The following PARD3 variants were observed in gnomAD, a reference collection of about 807,000 sequenced individuals.
PARD3 encodes the protein par-3 family cell polarity regulator, also known as partitioning defective 3 homolog.
Under a neutral mutation model 155.4 loss-of-function variants are expected in PARD3, and 75 were observed. The observed-to-expected ratio is 0.48, with a 90% CI of 0.40 to 0.58. The LOEUF (loss-of-function observed/expected upper bound fraction) is 0.58, where lower values mean the gene tolerates loss of function less well. PARD3 is among the 20% of genes least tolerant of loss of function. The pLI, the probability that PARD3 is intolerant of heterozygous loss-of-function variation, is 0.00. For missense variants in PARD3, 1,642 were observed against 1,721.7 expected (o/e 0.95, Z 0.82); for synonymous variants, 576 against 610.5 (o/e 0.94, Z 0.83).
intron 3 of PARD3, among the ~76,000 whole-genome samples, chr10:34,488,099 G>A (rs1486342843): frequency 1.3e-5 from 2 of 152,148 alleles, no homozygotes; most frequent in Non-Finnish European, 2.9e-5. Context: ...TCATTTGCCA[G>A]TTTTCTGTCA....
At chr10:34,305,084 G>C (rs1045298809) in intron 20 of PARD3, among the ~76,000 whole-genome samples, 3 of 152,174 alleles carry the variant, frequency 2.0e-5, no homozygotes, top group Admixed American at 6.5e-5. Flanking sequence ...CTTTGTATGA[G>C]CAGAGACTGT....
chr10:34,379,644 T>C (rs1310290455), intron 9 of PARD3, among the ~76,000 whole-genome samples: 1 of 152,118 alleles, frequency 6.6e-6, no homozygotes, highest in African/African-American at 2.4e-5. Context: ...CCCCTAAATC[T>C]GTAAGCTAAA....
At chr10:34,535,753 G>C (rs1351156438) in intron 2 of PARD3, among the ~76,000 whole-genome samples, 1 of 151,988 alleles carries the variant, frequency 6.6e-6, no homozygotes, top group African/African-American at 2.4e-5. Context: ...TGGGATTACA[G>C]GCGTGAGCCA....
At chr10:34,686,259 C>G (rs1175463766) in intron 2 of PARD3, among the ~76,000 whole-genome samples, 1 of 152,114 alleles carries the variant, frequency 6.6e-6, no homozygotes, top group Non-Finnish European at 1.5e-5. Flanking sequence ...TAACTTACAA[C>G]CTCGGTCCTT....
chr10:34,482,091 G>A (rs1445221671), intron 3 of PARD3, among the ~76,000 whole-genome samples: 1 of 132,228 alleles, frequency 7.6e-6, no homozygotes, highest in Non-Finnish European at 1.5e-5. Context: ...GTGGACTGCA[G>A]TGGCACCATC....
chr10:34,485,986 C>T (rs773980), intron 3 of PARD3, among the ~76,000 whole-genome samples: 54,467 of 144,936 alleles, frequency 0.38, 10,231 homozygotes, highest in East Asian at 0.43. Flanking sequence ...AGCAGTGTCA[C>T]GATCGTAGAT....
chr10:34,308,144 G>A (rs551462244), intron 20 of PARD3, among the ~76,000 whole-genome samples: 1 of 150,296 alleles, frequency 6.7e-6, no homozygotes, highest in African/African-American at 2.5e-5. Context: ...AGGAAAGAGC[G>A]GTAGGGACAA....
At chr10:34,156,743 G>T (rs566279430) in intron 22 of PARD3, among the ~76,000 whole-genome samples, 1 of 152,248 alleles carries the variant, frequency 6.6e-6, no homozygotes, top group East Asian at 1.9e-4. Flanking sequence ...GCTCGCCCAG[G>T]CCCCTGCAGC....
chr10:34,284,869 A>T (rs1463707987), intron 20 of PARD3, among the ~76,000 whole-genome samples: 1 of 152,208 alleles, frequency 6.6e-6, no homozygotes, highest in African/African-American at 2.4e-5. Context: ...GGCATCTATG[A>T]CTTATAAATC....
chr10:34,755,760 T>C (rs1009139908), intron 1 of PARD3, among the ~76,000 whole-genome samples: 5 of 105,492 alleles, frequency 4.7e-5, no homozygotes, highest in African/African-American at 1.7e-4. Flanking sequence ...CCTAAGCATA[T>C]ATAACATGCT....
chr10:34,708,168 T>C (rs552830118), intron 1 of PARD3, among the ~76,000 whole-genome samples: 6 of 151,582 alleles, frequency 4.0e-5, no homozygotes, highest in Non-Finnish European at 7.4e-5. Flanking sequence ...AGAACCAAGG[T>C]AAACAATACC....
At position 34,253,382 on chromosome 10, in the gene PARD3, C is replaced by T. The variant is rs529679362; in HGVS notation, c.3419+16275G>A. Among the ~76,000 whole-genome samples, 27 of 152,292 alleles carry T rather than the reference C, an allele frequency of 1.8e-4. No homozygotes were observed. In the South Asian group the frequency reaches 3.9e-3, roughly 22 times the overall value. On this transcript the variant is annotated intron_variant, in intron 22 of 24. Transcript: ENST00000374788. ...TCATTCACAGTCATGAATGGCCAAA[C>T]CAAGAATGTTAAATTCTTCAAATGC...
chr10:34,431,785 C>CATGCCGGTA (rs2075921539), intron 5 of PARD3, among the ~76,000 whole-genome samples: 1 of 134,136 alleles, frequency 7.5e-6, no homozygotes, highest in African/African-American at 2.8e-5. Context: ...TATGGTGGCT[C>CATGCCGGTA]ATGCCTGTAA....
chr10:34,362,914 A>C (rs537252116), intron 12 of PARD3, among the ~76,000 whole-genome samples: 133 of 152,372 alleles, frequency 8.7e-4, no homozygotes, highest in Middle Eastern at 3.4e-3. Flanking sequence ...ATCAATACAC[A>C]TCATAGTTCC....
chr10:34,662,619 T>C (rs2093351453), intron 2 of PARD3, among the ~76,000 whole-genome samples: 1 of 152,180 alleles, frequency 6.6e-6, no homozygotes, highest in Admixed American at 6.5e-5. Flanking sequence ...GCACCTGTAA[T>C]CCCAGCACTT....
At chr10:34,329,725 T>A (rs1232088759) in intron 19 of PARD3, among the ~76,000 whole-genome samples, 1 of 152,054 alleles carries the variant, frequency 6.6e-6, no homozygotes, top group African/African-American at 2.4e-5. Flanking sequence ...AAGGCCCAGT[T>A]GTGAGGAATC....
chr10:34,681,766 ATATTTTTTTTTTTTTTTTTTTTT>A (rs2093844364), intron 2 of PARD3, among the ~76,000 whole-genome samples: 1 of 19,692 alleles, frequency 5.1e-5, no homozygotes, highest in East Asian at 1.7e-3. Context: ...ATATATATAT[ATATTTTTTTTTTTTTTTTTTTTT>A]TTTTTTTTTT....
intron 5 of PARD3, among the ~76,000 whole-genome samples, chr10:34,436,511 G>A (rs990685741): frequency 6.6e-6 from 1 of 152,186 alleles, no homozygotes; most frequent in African/African-American, 2.4e-5. Flanking sequence ...AACATGGTAC[G>A]ATGTCTACTG....
chr10:34,805,953 GGCGACAGA>G (rs1843328355), intron 1 of PARD3, among the ~76,000 whole-genome samples: 1 of 151,724 alleles, frequency 6.6e-6, no homozygotes, highest in African/African-American at 2.4e-5. Context: ...CTCCAGCCTG[GGCGACAGA>G]GCGAGACTCC....
Sources: allele counts gnomAD v4.1 joint callset (sites outside exome capture counted in the v4.1 genomes callset), GRCh38; gene constraint gnomAD v4.1.1; transcripts MANE v1.5; gene names NCBI Gene and HGNC (gene_info 2026-07-23, HGNC 2026-07-21).